Variants in DPF3 observed in about 807,000 individuals in gnomAD.
DPF3 encodes zinc finger protein DPF3.
A neutral mutation model predicts 56.8 loss-of-function variants in DPF3; 18 were observed. The observed-to-expected ratio is 0.32, with a 90% CI of 0.22 to 0.47. The LOEUF (loss-of-function observed/expected upper bound fraction) is 0.47, where lower values mean the gene tolerates loss of function less well. Ranked by LOEUF, DPF3 falls within the 20% of genes least tolerant of loss-of-function variation. DPF3 has a pLI of 1.00. For missense variants in DPF3, 403 were observed against 488.8 expected, an observed-to-expected ratio of 0.82 and a Z score of 1.65; for synonymous variants, 188 against 180.2, an observed-to-expected ratio of 1.04 and a Z score of -0.35.
At chr14:72,884,940 CTATA>C (rs773450437) in intron 1 of DPF3, among the ~76,000 whole-genome samples, 2,611 of 29,616 alleles carry the variant, frequency 0.088, 439 homozygotes, top group African/African-American at 0.18. Context: ...ACTAAAAATA[CTATA>C]TATATATATA....
intron 6 of DPF3, among the ~76,000 whole-genome samples, chr14:72,702,093 A>T (rs1186223254): frequency 2.0e-5 from 3 of 152,138 alleles, no homozygotes; most frequent in Non-Finnish European, 4.4e-5. Flanking sequence ...GCACAGCCAG[A>T]GTTTGAGCCC....
rs141758645 is a variant in DPF3, at chr14:72,754,413, G to C, written c.194-1042C>G. Among the ~76,000 whole-genome samples, 294 of 152,310 alleles carry C rather than the reference G, an allele frequency of 1.9e-3. 2 individuals carry two copies. Among genetic ancestry groups the C allele is most frequent in the East Asian group, 0.018 (93 of 5,192 alleles). On this transcript the variant is annotated intron_variant, in intron 2 of 10. Coordinates refer to ENST00000556509, the MANE Select transcript of DPF3 (RefSeq NM_001280542.3). The stretch of plus-strand genomic sequence containing the variant: ...ACAGGGACTTTTTTGTCTTGTTCTT[G>C]TCAGAAGCCCCAGAATCAGAACTGT...
intron 1 of DPF3, among the ~76,000 whole-genome samples, chr14:72,786,625 A>G (rs543309307): frequency 4.6e-5 from 7 of 152,340 alleles, no homozygotes; most frequent in Admixed American, 3.3e-4. Context: ...GGTTTTTAAC[A>G]TAAGCCTTGA....
rs117211333 is a variant in DPF3 at position 72,668,189 on chromosome 14, G to A, written c.871+6051C>T. 3.7e-3 allele frequency among the ~76,000 whole-genome samples: 570 copies of A among 152,246 alleles called. 3 individuals carry two copies. Among genetic ancestry groups the A allele is most frequent in the Middle Eastern group, 6.8e-3 (2 of 294 alleles). On this transcript the variant is annotated intron_variant, in intron 8 of 10. Coordinates refer to ENST00000556509, the MANE Select transcript of DPF3 (RefSeq NM_001280542.3). ...CCAAGGACAGCCAGCTTCCTCATCC[G>A]ACACCTTCTCTCTCGGAGCTTCCTT...
At position 72,743,412 on chromosome 14, in the gene DPF3, G is replaced by A. The variant is rs552449092; in HGVS notation, c.301+9852C>T. Among the ~76,000 whole-genome samples the A allele has an allele frequency of 1.1e-4, 16 of 152,170 alleles. No individual in the cohort carries two copies. The South Asian group carries it at 3.3e-3, about 32-fold the overall frequency. On this transcript the variant is annotated intron_variant, in intron 3 of 10. Transcript: ENST00000556509. ...TCCTGGCATCACCAGGATCCCCTGG[G>A]AAATTAGCTTCCTAATTCTGTGCCG...
intron 1 of DPF3, among the ~76,000 whole-genome samples, chr14:72,891,478 C>T (rs887035143): frequency 1.3e-5 from 2 of 152,156 alleles, no homozygotes; most frequent in Admixed American, 1.3e-4. Context: ...ACCATCCCTT[C>T]GGCTGGATGT....
chr14:72,817,312 T>C (rs1813440404), intron 1 of DPF3, among the ~76,000 whole-genome samples: 1 of 152,186 alleles, frequency 6.6e-6, no homozygotes, highest in Admixed American at 6.5e-5. Context: ...AGAATCAAAC[T>C]AGACCCCCAG....
At chr14:72,884,211 C>T (rs1886428748) in intron 1 of DPF3, among the ~76,000 whole-genome samples, 1 of 152,088 alleles carries the variant, frequency 6.6e-6, no homozygotes, top group Non-Finnish European at 1.5e-5. Flanking sequence ...ATGAGGGTTT[C>T]CCCTGAGCTC....
At chr14:72,856,790 G>T (rs753554268) in intron 1 of DPF3, among the ~76,000 whole-genome samples, 2 of 152,162 alleles carry the variant, frequency 1.3e-5, no homozygotes, top group African/African-American at 4.8e-5. Context: ...TTTCACCTGC[G>T]CAGGCTATAT....
intron 1 of DPF3, among the ~76,000 whole-genome samples, chr14:72,789,704 T>C (rs1377597917): frequency 6.6e-6 from 1 of 152,042 alleles, no homozygotes; most frequent in Non-Finnish European, 1.5e-5. Context: ...AATTTTTTTT[T>C]CTTTTTTTAA....
chr14:72,624,966 T>C (rs1221962429), intron 9 of DPF3, among the ~76,000 whole-genome samples: 1 of 152,244 alleles, frequency 6.6e-6, no homozygotes, highest in Non-Finnish European at 1.5e-5. Flanking sequence ...GATTATATAG[T>C]TAAGGTAGTG....
intron 6 of DPF3, among the ~76,000 whole-genome samples, chr14:72,709,788 A>G (rs1888576900): frequency 6.6e-6 from 1 of 152,022 alleles, no homozygotes; most frequent in Non-Finnish European, 1.5e-5. Context: ...AGTGAGGTCA[A>G]CTGTCCCTGC....
chr14:72,768,928 A>AGTGTCTGTGT (rs1235886198), intron 2 of DPF3, among the ~76,000 whole-genome samples: 14 of 111,012 alleles, frequency 1.3e-4, no homozygotes, highest in African/African-American at 5.4e-4. Context: ...ACTGTGTGTG[A>AGTGTCTGTGT]GTGTCTGTGT....
intron 7 of DPF3, among the ~76,000 whole-genome samples, chr14:72,677,287 T>G (rs1414827456): frequency 6.6e-6 from 1 of 152,242 alleles, no homozygotes; most frequent in Admixed American, 6.5e-5. Flanking sequence ...TACTCTTTCT[T>G]ACAACAGTGA....
chr14:72,875,563 G>A (rs1368198920), intron 1 of DPF3, among the ~76,000 whole-genome samples: 2 of 152,176 alleles, frequency 1.3e-5, no homozygotes, highest in African/African-American at 4.8e-5. Flanking sequence ...AAGGCCATAG[G>A]GCTTGAACTT....
rs1025376508 is a variant in DPF3 at position 72,650,366 on chromosome 14, G to C, written c.872-20630C>G. On this transcript the variant is annotated intron_variant, in intron 8 of 10. Transcript: ENST00000556509. ...GTTAATCAGCTCCCTGAAATGAAAGGGGAGAAAAGAGACTGGATAAAGGGA... is the reference window on the plus strand; with the variant it reads ...GTTAATCAGCTCCCTGAAATGAAAGCGGAGAAAAGAGACTGGATAAAGGGA... 2.0e-5 allele frequency among the ~76,000 whole-genome samples: 3 copies of C among 152,346 alleles called. No individual in the cohort carries two copies. In the East Asian group the frequency reaches 5.8e-4, roughly 29 times the overall value.
At chr14:72,627,647 C>T (rs1884911912) in intron 9 of DPF3, among the ~76,000 whole-genome samples, 1 of 151,980 alleles carries the variant, frequency 6.6e-6, no homozygotes, top group South Asian at 2.1e-4. Context: ...TTTGTTTCTT[C>T]ATATGAACTT....
intron 8 of DPF3, among the ~76,000 whole-genome samples, chr14:72,639,241 C>A (rs2153567678): frequency 6.6e-6 from 1 of 152,242 alleles, no homozygotes; most frequent in Non-Finnish European, 1.5e-5. Context: ...CTGTTCATTG[C>A]CAGGAACTGT....
chr14:72,668,660 T>C (rs1382914064), intron 8 of DPF3, among the ~76,000 whole-genome samples: 1 of 151,442 alleles, frequency 6.6e-6, no homozygotes, highest in Non-Finnish European at 1.5e-5. Flanking sequence ...CCTTTTATAA[T>C]TTGCTTTAAA....
Sources: allele counts gnomAD v4.1 joint callset (sites outside exome capture counted in the v4.1 genomes callset), GRCh38; gene constraint gnomAD v4.1.1; transcripts MANE v1.5; gene names NCBI Gene and HGNC (gene_info 2026-07-23, HGNC 2026-07-21).